TLL1: variants seen among roughly 807,000 people sequenced by gnomAD.
TLL1 encodes the protein tolloid like 1, also known as tolloid-like protein 1.
A neutral mutation model predicts 128.2 loss-of-function variants in TLL1; 49 were observed. The ratio of observed to expected loss-of-function variants is 0.38; its 90% CI spans 0.30 to 0.48. The LOEUF (loss-of-function observed/expected upper bound fraction) is 0.48. TLL1 is among the 20% of genes least tolerant of loss of function. The pLI is 0.96. For synonymous variants in TLL1, 454 were observed against 418.8 expected, an observed-to-expected ratio of 1.08 and a Z score of -1.03; for missense variants, 1,123 against 1,242.0, an observed-to-expected ratio of 0.90 and a Z score of 1.44.
intron 1 of TLL1, among the ~76,000 whole-genome samples, chr4:165,968,048 A>G (rs1436538795): frequency 2.0e-5 from 3 of 152,152 alleles, no homozygotes; most frequent in African/African-American, 7.2e-5. Context: ...GGGGCGAACC[A>G]CCCTCACAGA....
chr4:165,921,091 C>T (rs1264483637), intron 1 of TLL1, among the ~76,000 whole-genome samples: 1 of 152,154 alleles, frequency 6.6e-6, no homozygotes, highest in African/African-American at 2.4e-5. Context: ...ACTACAGTGT[C>T]ATTTATGTTC....
chr4:166,086,274 G>A (rs1741509812), intron 18 of TLL1, among the ~76,000 whole-genome samples: 1 of 151,990 alleles, frequency 6.6e-6, no homozygotes, highest in East Asian at 1.9e-4. Context: ...CGAGACTTAG[G>A]CATTATAATG....
At chr4:165,934,108 C>T (rs963266338) in intron 1 of TLL1, among the ~76,000 whole-genome samples, 1 of 151,900 alleles carries the variant, frequency 6.6e-6, no homozygotes, top group Non-Finnish European at 1.5e-5. Flanking sequence ...AAGTGATTCT[C>T]CTGCCTCAGC....
At chr4:166,059,701 T>A (rs1022927138) in intron 14 of TLL1, among the ~76,000 whole-genome samples, 3 of 152,238 alleles carry the variant, frequency 2.0e-5, no homozygotes, top group East Asian at 1.9e-4. Context: ...TACAAGATAT[T>A]ATTAGACCAA....
At position 166,065,721 on chromosome 4, in the gene TLL1, T is replaced by G. The variant is rs1740537631; in HGVS notation, c.2046T>G (p.Leu682=). ...KYDYVEIWSG[L]SSESKLHGKF... ...ATTATGTGGAGATCTGGAGTGGTCTTTCCTCTGAGTCTAAACTGCATGGCA... is the reference window on the plus strand; with the variant it reads ...ATTATGTGGAGATCTGGAGTGGTCTGTCCTCTGAGTCTAAACTGCATGGCA... Residue 682 remains leucine, a synonymous_variant, in exon 16 of 21, where the codon CTT becomes CTG. Transcript: ENST00000061240. The G allele has an allele frequency of 6.2e-7, 1 of 1,611,838 alleles. No homozygotes were observed. The highest frequency in any genetic ancestry group is 1.7e-5 in the Admixed American group (1 of 59,814).
chr4:165,962,700 A>G (rs1735169665), intron 1 of TLL1, among the ~76,000 whole-genome samples: 1 of 152,192 alleles, frequency 6.6e-6, no homozygotes, highest in African/African-American at 2.4e-5. Flanking sequence ...AACGTGGTAC[A>G]TATACACCAT....
At chr4:165,916,523 A>G (rs937717194) in intron 1 of TLL1, among the ~76,000 whole-genome samples, 2 of 152,176 alleles carry the variant, frequency 1.3e-5, no homozygotes, top group Non-Finnish European at 2.9e-5. Context: ...TGATGGGTGG[A>G]TATAAGGTGG....
chr4:165,980,262 C>T (rs1242610345), intron 1 of TLL1, among the ~76,000 whole-genome samples: 9 of 151,994 alleles, frequency 5.9e-5, no homozygotes, highest in Admixed American at 4.6e-4. Context: ...ATCTCATATG[C>T]GCTGTCTCAG....
chr4:165,951,126 C>T (rs1260598872), intron 1 of TLL1, among the ~76,000 whole-genome samples: 1 of 152,160 alleles, frequency 6.6e-6, no homozygotes, highest in South Asian at 2.1e-4. Flanking sequence ...AAGTTCTATG[C>T]ACATACATTT....
intron 18 of TLL1, among the ~76,000 whole-genome samples, chr4:166,080,194 C>T (rs2111144070): frequency 6.6e-6 from 1 of 152,202 alleles, no homozygotes; most frequent in East Asian, 1.9e-4. Flanking sequence ...ACTGTATCCT[C>T]ACATGGTATT....
In TLL1 at chr4:165,873,737, C is replaced by T. The variant is rs1730593872; in HGVS notation, c.-168C>T. 6 of 670,272 alleles carry T rather than the reference C, an allele frequency of 9.0e-6. No individual in the cohort carries two copies. Among genetic ancestry groups the T allele is most frequent in the Non-Finnish European group, 1.5e-5 (6 of 389,378 alleles). 41.5% of individuals were successfully genotyped at this position (670,272 alleles called of 1,614,324 possible). On this transcript the variant is annotated 5_prime_UTR_variant, in exon 1 of 21. Coordinates refer to ENST00000061240, the MANE Select transcript of TLL1 (RefSeq NM_012464.5). ...TAACAGGCAGTGCTTGCCCTCTCTA[C>T]TGTCCCGGCGGCATCCACATGTTTC...
chr4:166,074,498 G>T lies in TLL1; in HGVS notation c.2189-380G>T, dbSNP rs115341083. On this transcript the variant is annotated intron_variant, in intron 16 of 20. Coordinates refer to ENST00000061240, the MANE Select transcript of TLL1 (RefSeq NM_012464.5). ...CTCTACTTAAATGCTATTTCTTGCC[G>T]CTATTCAAACTATGCACAATTTTAA... is the stretch of plus-strand genomic sequence containing the variant. 5.3e-5 allele frequency among the ~76,000 whole-genome samples: 8 copies of T among 151,718 alleles called. No homozygotes were observed. The South Asian group carries it at 1.7e-3, about 32-fold the overall frequency.
intron 6 of TLL1, among the ~76,000 whole-genome samples, chr4:166,005,720 T>G (rs111782212): frequency 1.3e-5 from 2 of 150,918 alleles, no homozygotes; most frequent in African/African-American, 4.8e-5. Context: ...TTACCAAGAA[T>G]TATTCGTGTT....
At chr4:166,093,221 C>T (rs189377158) in intron 19 of TLL1, among the ~76,000 whole-genome samples, 1 of 152,242 alleles carries the variant, frequency 6.6e-6, no homozygotes, top group African/African-American at 2.4e-5. Context: ...TGGCACTGGT[C>T]TCTGAGTTCT....
intron 12 of TLL1, among the ~76,000 whole-genome samples, chr4:166,046,279 C>G (rs2111098579): frequency 6.6e-6 from 1 of 152,184 alleles, no homozygotes; most frequent in South Asian, 2.1e-4. Flanking sequence ...GGGAAACAAG[C>G]CTGGATACAT....
intron 15 of TLL1, among the ~76,000 whole-genome samples, chr4:166,064,920 G>A (rs1036666109): frequency 6.6e-6 from 1 of 152,048 alleles, no homozygotes; most frequent in African/African-American, 2.4e-5. Flanking sequence ...GTTAAACCTT[G>A]CTAATTACAT....
intron 1 of TLL1, among the ~76,000 whole-genome samples, chr4:165,945,630 A>G (rs1734210886): frequency 6.6e-6 from 1 of 152,200 alleles, no homozygotes; most frequent in Non-Finnish European, 1.5e-5. Flanking sequence ...ACAACAACTA[A>G]AAAGATTATA....
At position 166,074,842 on chromosome 4, in the gene TLL1, T is replaced by C; in HGVS notation, c.2189-36T>C. ...CCTTTGATATCCTCTGTTTTTAAAG[T>C]TACTTACTAGACTATGGGATTGATC... On this transcript the variant is annotated intron_variant, in intron 16 of 20. Coordinates refer to ENST00000061240, the MANE Select transcript of TLL1 (RefSeq NM_012464.5). 1.9e-6 allele frequency: 3 copies of C among 1,611,070 alleles called. No homozygotes were observed. The South Asian group carries it at 3.3e-5, about 18-fold the overall frequency.
At chr4:165,878,920 C>CTTTTTTTTT (rs140447889) in intron 1 of TLL1, among the ~76,000 whole-genome samples, 1 of 60,460 alleles carries the variant, frequency 1.7e-5, no homozygotes, top group Non-Finnish European at 2.8e-5. Flanking sequence ...TGATGGCTTC[C>CTTTTTTTTT]TTTTTTTTTT....
Sources: gnomAD v4.1 joint callset for allele counts (sites outside exome capture counted in the v4.1 genomes callset) on GRCh38, gnomAD v4.1.1 for gene constraint, MANE v1.5 for transcripts, NCBI Gene and HGNC (gene_info 2026-07-23, HGNC 2026-07-21) for gene names.